The following HDAC9 variants were observed in gnomAD, a reference collection of about 807,000 sequenced individuals.
HDAC9 encodes MEF-2 interacting transcription repressor (MITR) protein.
HDAC9 carries 41 observed loss-of-function variants against 139.4 expected under a neutral mutation model. That is an observed-to-expected ratio of 0.29 (90% CI 0.23 to 0.38). The LOEUF (loss-of-function observed/expected upper bound fraction) is 0.38. HDAC9 is among the 10% of genes least tolerant of loss of function. HDAC9 has a pLI of 1.00. For synonymous variants in HDAC9, 517 were observed against 476.2 expected (o/e 1.09, Z -1.12); for missense variants, 1,147 against 1,297.0 (o/e 0.88, Z 1.78).
intron 3 of HDAC9, 78 bp downstream of exon 3, chr7:18,585,600 C>G (rs1829232382): frequency 9.9e-6 from 15 of 1,519,502 alleles, no homozygotes; most frequent in Non-Finnish European, 1.3e-5. Context: ...CATGGGAACA[C>G]TTTGCGGGTA....
chr7:18,644,555 A>G (rs1323194322), intron 8 of HDAC9, 116 bp from the exon 9 acceptor site: 5 of 777,906 alleles, frequency 6.4e-6, no homozygotes, highest in African/African-American at 1.8e-5. Context: ...AAGTCATAAA[A>G]TAAATACTTA....
chr7:18,848,343 C>T (rs2129221568), intron 21 of HDAC9, among the ~76,000 whole-genome samples: 1 of 152,074 alleles, frequency 6.6e-6, no homozygotes, highest in South Asian at 2.1e-4. Context: ...GTTTGTGTTC[C>T]CCCAAAACAT....
chr7:18,988,596 G>C lies in HDAC9; in HGVS notation c.3171-7427G>C, dbSNP rs552388035. ...TATCAGGTCCGCTTGGTGCAGAGCTGAGTTCAATTCCTGAGTATCCTTGTT... is the reference window on the plus strand; with the variant it reads ...TATCAGGTCCGCTTGGTGCAGAGCTCAGTTCAATTCCTGAGTATCCTTGTT... On this transcript the variant is annotated intron_variant, in intron 25 of 25. Coordinates refer to ENST00000686413, the MANE Select transcript of HDAC9 (RefSeq NM_178425.4). 1.2e-4 allele frequency among the ~76,000 whole-genome samples: 18 copies of C among 152,274 alleles called. No individual in the cohort carries two copies. In the South Asian group the frequency reaches 1.2e-3, roughly 11 times the overall value.
At position 18,930,482 on chromosome 7, in the gene HDAC9, C is replaced by T. The variant is rs189902990; in HGVS notation, c.2804-5327C>T. Among the ~76,000 whole-genome samples, 32 of 152,152 alleles carry T rather than the reference C, an allele frequency of 2.1e-4. No homozygotes were observed. In the East Asian group the frequency reaches 4.3e-3, roughly 20 times the overall value. ...ATACACACAAACACACACACACACA[C>T]GTACACATGCCACTGAAACCTTTAA... is the stretch of plus-strand genomic sequence containing the variant. On this transcript the variant is annotated intron_variant, in intron 22 of 25. Transcript: ENST00000686413.
At chr7:18,702,740 A>G (rs527240009) in intron 12 of HDAC9, among the ~76,000 whole-genome samples, 1 of 152,338 alleles carries the variant, frequency 6.6e-6, no homozygotes, top group Non-Finnish European at 1.5e-5. Flanking sequence ...CGGCGGAACA[A>G]TTAGAATTAC....
chr7:18,121,684 G>A (rs900158267), intron 1 of HDAC9, among the ~76,000 whole-genome samples: 1 of 152,116 alleles, frequency 6.6e-6, no homozygotes, highest in African/African-American at 2.4e-5. Context: ...CCGAAAGAAT[G>A]AATTCCAGCT....
chr7:18,594,671 T>G (rs757491589), intron 6 of HDAC9, among the ~76,000 whole-genome samples: 35 of 152,086 alleles, frequency 2.3e-4, no homozygotes, highest in Non-Finnish European at 7.4e-5. Context: ...CTGTTCCATC[T>G]TCATCTCCTT....
chr7:18,829,043 T>G (rs576291888), intron 17 of HDAC9, 118 bp from the exon 18 acceptor site: 51 of 763,118 alleles, frequency 6.7e-5, no homozygotes, highest in Middle Eastern at 2.3e-4. Context: ...CGGAAGCGTA[T>G]GAGACTTCAG....
rs1562893598 is a variant in HDAC9, at chr7:18,732,917, A to ACACACACACG, written c.1909+5160_1909+5161insCACACACACG. Among the ~76,000 whole-genome samples, 53 of 120,968 alleles carry ACACACACACG rather than the reference A, an allele frequency of 4.4e-4. 10 individuals carry two copies. The highest frequency in any genetic ancestry group is 8.4e-4 in the African/African-American group (22 of 26,158). The allele number at this position is 120,968 out of a possible 152,430, so 79.4% of individuals were successfully genotyped here. On this transcript the variant is annotated intron_variant, in intron 13 of 25. Transcript: ENST00000686413. ...TACACACACACGTGTGCGTATGTGT[A>ACACACACACG]TACACACGTGTGTATGTATGTGTAT...
chr7:18,794,818 A>G (rs577001485), intron 17 of HDAC9, among the ~76,000 whole-genome samples: 18 of 152,230 alleles, frequency 1.2e-4, no homozygotes, highest in Non-Finnish European at 2.6e-4. Flanking sequence ...AAATGGCAGA[A>G]ATCAGCCAGG....
At chr7:18,803,807 A>C (rs1793492412) in intron 17 of HDAC9, among the ~76,000 whole-genome samples, 1 of 152,206 alleles carries the variant, frequency 6.6e-6, no homozygotes, top group South Asian at 2.1e-4. Context: ...GGAAAATCAA[A>C]ATTTAATGCA....
intron 1 of HDAC9, among the ~76,000 whole-genome samples, chr7:18,401,116 A>G (rs1298981990): frequency 1.3e-5 from 2 of 152,158 alleles, no homozygotes; most frequent in Non-Finnish European, 2.9e-5. Flanking sequence ...TGGTCATGGC[A>G]TGTCAAAGGT....
chr7:18,492,950 T>G (rs1413902568), upstream of HDAC9, among the ~76,000 whole-genome samples: 1 of 151,910 alleles, frequency 6.6e-6, no homozygotes, highest in African/African-American at 2.4e-5. Context: ...AAGAGTTAAA[T>G]AAAAGAGAAG....
At position 18,879,900 on chromosome 7, in the gene HDAC9, G is replaced by C. The variant is rs113863801; in HGVS notation, c.2803+5304G>C. On this transcript the variant is annotated intron_variant, in intron 22 of 25. Coordinates refer to ENST00000686413, the MANE Select transcript of HDAC9 (RefSeq NM_178425.4). The stretch of plus-strand genomic sequence containing the variant: ...GCCTACAGCATGGGAGTAAATTTTT[G>C]CAAACTATGCATCTGACAAAGGTCT... 7.4e-3 allele frequency among the ~76,000 whole-genome samples: 1,132 copies of C among 152,194 alleles called. 19 individuals are homozygous for C. The highest frequency in any genetic ancestry group is 0.025 in the African/African-American group (1,057 of 41,516).
chr7:18,681,113 A>T (rs902294236), intron 12 of HDAC9, among the ~76,000 whole-genome samples: 1 of 152,016 alleles, frequency 6.6e-6, no homozygotes, highest in Non-Finnish European at 1.5e-5. Context: ...CTTTAGCCCT[A>T]AACTTAGCTG....
In HDAC9 at chr7:18,566,509, T is replaced by A. The variant is rs555006532; in HGVS notation, c.23-18772T>A. On this transcript the variant is annotated intron_variant, in intron 2 of 25. Transcript: ENST00000686413. The stretch of plus-strand genomic sequence containing the variant: ...TTCTGATAAAGACTAAAAAAGTAAA[T>A]CACACACACATACACACAATTTTTA... Among the ~76,000 whole-genome samples the A allele has an allele frequency of 5.9e-5, 9 of 152,234 alleles. No individual in the cohort carries two copies. In the South Asian group the frequency reaches 1.7e-3, roughly 28 times the overall value.
chr7:18,286,276 T>C (rs1020695375), upstream of HDAC9, among the ~76,000 whole-genome samples: 1 of 151,856 alleles, frequency 6.6e-6, no homozygotes, highest in African/African-American at 2.4e-5. Flanking sequence ...CTAAAAATTG[T>C]ATCATCATTA....
intron 2 of HDAC9, among the ~76,000 whole-genome samples, chr7:18,531,879 G>A (rs1399026475): frequency 6.6e-6 from 1 of 152,058 alleles, no homozygotes; most frequent in African/African-American, 2.4e-5. Context: ...ACTCTTTTAT[G>A]TTTTGTCAAA....
chr7:18,497,348 TA>T (rs1427250972), intron 2 of HDAC9, among the ~76,000 whole-genome samples: 2 of 152,132 alleles, frequency 1.3e-5, no homozygotes, highest in Non-Finnish European at 2.9e-5. Context: ...TTTGTAGAGC[TA>T]GGTGTGAAAG....
Sources: allele counts gnomAD v4.1 joint callset (sites outside exome capture counted in the v4.1 genomes callset), GRCh38; gene constraint gnomAD v4.1.1; transcripts MANE v1.5; gene names NCBI Gene and HGNC (gene_info 2026-07-23, HGNC 2026-07-21).